Variants in ANKS1B observed in about 807,000 individuals in gnomAD.
ANKS1B encodes the protein ankyrin repeat and sterile alpha motif domain-containing protein 1B.
A neutral mutation model predicts 148.3 loss-of-function variants in ANKS1B; 36 were observed. That is an observed-to-expected ratio of 0.24 (90% CI 0.19 to 0.32). The LOEUF (loss-of-function observed/expected upper bound fraction) is 0.32. ANKS1B is among the 10% of genes least tolerant of loss of function. ANKS1B has a pLI of 1.00. For missense variants in ANKS1B, 1,157 were observed against 1,542.6 expected, an observed-to-expected ratio of 0.75 and a Z score of 4.19; for synonymous variants, 542 against 560.8, an observed-to-expected ratio of 0.97 and a Z score of 0.47.
intron 1 of ANKS1B, among the ~76,000 whole-genome samples, chr12:99,944,808 T>C (rs923987256): frequency 5.3e-5 from 8 of 152,154 alleles, no homozygotes; most frequent in Admixed American, 1.3e-4. Flanking sequence ...AGGCAAGAGA[T>C]GCCTTCTTGC....
chr12:99,744,357 G>C (rs1379702610), intron 8 of ANKS1B, among the ~76,000 whole-genome samples: 1 of 152,166 alleles, frequency 6.6e-6, no homozygotes, highest in African/African-American at 2.4e-5. Flanking sequence ...TGGATCAACA[G>C]AAGTTTCTTA....
chr12:99,535,264 T>C (rs908277344), intron 9 of ANKS1B, among the ~76,000 whole-genome samples: 1 of 152,214 alleles, frequency 6.6e-6, no homozygotes, highest in Admixed American at 6.5e-5. Flanking sequence ...GCAATATTTG[T>C]GTGTTTTGAA....
At chr12:99,831,821 A>G (rs1478968392) in intron 1 of ANKS1B, among the ~76,000 whole-genome samples, 1 of 152,204 alleles carries the variant, frequency 6.6e-6, no homozygotes, top group Admixed American at 6.5e-5. Flanking sequence ...GTTTTATACA[A>G]TGGCTCAATA....
chr12:99,387,713 C>T (rs944861854), intron 12 of ANKS1B, among the ~76,000 whole-genome samples: 1 of 152,064 alleles, frequency 6.6e-6, no homozygotes, highest in African/African-American at 2.4e-5. Flanking sequence ...CTCACCAGAA[C>T]CAAATCTGCT....
At chr12:99,065,574 C>T (rs1310318186) in intron 16 of ANKS1B, among the ~76,000 whole-genome samples, 2 of 151,732 alleles carry the variant, frequency 1.3e-5, no homozygotes, top group African/African-American at 4.8e-5. Context: ...AAATGAGGAC[C>T]TACCATCCAT....
chr12:99,516,700 T>C (rs757924952), intron 9 of ANKS1B, among the ~76,000 whole-genome samples: 2 of 152,044 alleles, frequency 1.3e-5, no homozygotes, highest in African/African-American at 4.8e-5. Context: ...TATTTACCTA[T>C]GTAACAAACC....
Position 99,048,081 on chromosome 12 carries a change from T to C in ANKS1B, c.2778+5076A>G, listed in dbSNP as rs546052311. Among the ~76,000 whole-genome samples the C allele has an allele frequency of 1.3e-3, 191 of 152,212 alleles. 1 individual carries two copies. The highest frequency in any genetic ancestry group is 4.3e-3 in the African/African-American group (177 of 41,518). ...AAGAATACTTAGTAGTCCATAGAGGTGGAGGCAGAGGCTGGAATGCCGAGC... is the reference window on the plus strand; with the variant it reads ...AAGAATACTTAGTAGTCCATAGAGGCGGAGGCAGAGGCTGGAATGCCGAGC... On this transcript the variant is annotated intron_variant, in intron 17 of 26. Transcript: ENST00000683438.
At chr12:99,829,925 C>T (rs2083721993) in intron 1 of ANKS1B, among the ~76,000 whole-genome samples, 1 of 152,112 alleles carries the variant, frequency 6.6e-6, no homozygotes, top group Non-Finnish European at 1.5e-5. Flanking sequence ...GAGTCCGATA[C>T]GGTCTTTTAA....
chr12:99,424,266 G>A (rs2095183469), intron 11 of ANKS1B, among the ~76,000 whole-genome samples: 1 of 152,026 alleles, frequency 6.6e-6, no homozygotes. Context: ...TTATCTCAGT[G>A]GAGTCCAAGG....
intron 9 of ANKS1B, among the ~76,000 whole-genome samples, chr12:99,546,974 C>A (rs903777243): frequency 2.6e-5 from 4 of 151,996 alleles, no homozygotes; most frequent in African/African-American, 9.7e-5. Context: ...GATGAATAAA[C>A]AAGAGGATGA....
intron 1 of ANKS1B, among the ~76,000 whole-genome samples, chr12:99,830,661 C>T (rs1048908750): frequency 2.1e-5 from 3 of 145,594 alleles, no homozygotes; most frequent in African/African-American, 7.5e-5. Flanking sequence ...AAAAGGAAAA[C>T]ATCATTCAAT....
intron 12 of ANKS1B, among the ~76,000 whole-genome samples, chr12:99,360,508 G>T (rs1000487284): frequency 1.3e-5 from 2 of 152,020 alleles, no homozygotes; most frequent in African/African-American, 2.4e-5. Context: ...TATATTCCCT[G>T]ACCACTGATT....
At chr12:99,205,752 C>T (rs1003801296) in intron 14 of ANKS1B, among the ~76,000 whole-genome samples, 1 of 152,176 alleles carries the variant, frequency 6.6e-6, no homozygotes, top group Admixed American at 6.6e-5. Flanking sequence ...TTTGTGCTGG[C>T]TGATGAGTTA....
intron 10 of ANKS1B, among the ~76,000 whole-genome samples, chr12:99,463,101 G>A (rs1481126320): frequency 6.6e-6 from 1 of 152,000 alleles, no homozygotes; most frequent in African/African-American, 2.4e-5. Flanking sequence ...TTCACACGGT[G>A]AAAAAAATAC....
chr12:99,030,775 C>G (rs1235075621), intron 17 of ANKS1B, among the ~76,000 whole-genome samples: 9 of 152,192 alleles, frequency 5.9e-5, no homozygotes, highest in Non-Finnish European at 1.3e-4. Flanking sequence ...GCTTGGCATA[C>G]AGTAAGTAGA....
chr12:99,288,255 C>T (rs143380931), intron 12 of ANKS1B, among the ~76,000 whole-genome samples: 10 of 151,946 alleles, frequency 6.6e-5, no homozygotes, highest in East Asian at 1.9e-4. Flanking sequence ...CAGGAGAGAG[C>T]GGCATGATAT....
chr12:99,821,688 G>A (rs1216719891), intron 2 of ANKS1B, among the ~76,000 whole-genome samples: 1 of 151,970 alleles, frequency 6.6e-6, no homozygotes, highest in African/African-American at 2.4e-5. Flanking sequence ...TGCCTCAAAT[G>A]AAAGGTCAGG....
intron 11 of ANKS1B, among the ~76,000 whole-genome samples, chr12:99,437,430 C>T (rs1029869524): frequency 2.0e-5 from 3 of 151,936 alleles, no homozygotes; most frequent in African/African-American, 7.2e-5. Flanking sequence ...TATTCTTATG[C>T]TCATTATGCT....
intron 8 of ANKS1B, among the ~76,000 whole-genome samples, chr12:99,678,437 A>G (rs1599493595): frequency 6.6e-6 from 1 of 152,280 alleles, no homozygotes; most frequent in Non-Finnish European, 1.5e-5. Context: ...CCTAAAACTT[A>G]CTGGACAGTG....
Sources: gnomAD v4.1 joint callset for allele counts (sites outside exome capture counted in the v4.1 genomes callset) on GRCh38, gnomAD v4.1.1 for gene constraint, MANE v1.5 for transcripts, NCBI Gene and HGNC (gene_info 2026-07-23, HGNC 2026-07-21) for gene names.